E2F7: variants seen among roughly 807,000 people sequenced by gnomAD.
E2F7 encodes the protein E2F transcription factor 7.
A neutral mutation model predicts 81.1 loss-of-function variants in E2F7; 35 were observed. That is an observed-to-expected ratio of 0.43 (90% CI 0.33 to 0.57). The LOEUF (loss-of-function observed/expected upper bound fraction) is 0.57, where lower values mean the gene tolerates loss of function less well. E2F7 is among the 20% of genes least tolerant of loss of function. E2F7 has a pLI of 0.04. For missense variants in E2F7, 961 were observed against 1,093.7 expected (o/e 0.88, Z 1.71); for synonymous variants, 416 against 416.2 (o/e 1.00, Z 0.01).
intron 10 of E2F7, among the ~76,000 whole-genome samples, chr12:77,028,530 C>T (rs11831869): frequency 0.021 from 3,252 of 151,382 alleles, 89 homozygotes; most frequent in African/African-American, 0.075. Flanking sequence ...TGCAGTGGCG[C>T]GATCTCGGCT....
intron 4 of E2F7, among the ~76,000 whole-genome samples, chr12:77,049,958 TA>T (rs1954972992): frequency 6.6e-6 from 1 of 152,168 alleles, no homozygotes; most frequent in Admixed American, 6.5e-5. Context: ...CAATGTCCAC[TA>T]GGGGTCTCTA....
At chr12:77,024,251 C>T in intron 12 of E2F7, 66 bp from the exon 13 acceptor site, 8 of 1,514,148 alleles carry the variant, frequency 5.3e-6, no homozygotes, top group Non-Finnish European at 7.1e-6. Flanking sequence ...AGTAGAAAGG[C>T]AGCCCTTTCT....
At chr12:77,035,874 A>G (rs1565899662) in intron 7 of E2F7, among the ~76,000 whole-genome samples, 2 of 148,626 alleles carry the variant, frequency 1.3e-5, no homozygotes, top group Non-Finnish European at 1.5e-5. Context: ...TCAAAAATAT[A>G]AAGGCTCAAA....
intron 2 of E2F7, among the ~76,000 whole-genome samples, chr12:77,061,953 T>C (rs1406345293): frequency 6.6e-6 from 1 of 152,228 alleles, no homozygotes; most frequent in African/African-American, 2.4e-5. Flanking sequence ...TGTGAAGCTT[T>C]TTAACTCCCT....
At chr12:77,064,221 C>G (rs879302657) in intron 2 of E2F7, among the ~76,000 whole-genome samples, 1 of 152,182 alleles carries the variant, frequency 6.6e-6, no homozygotes, top group Admixed American at 6.5e-5. Flanking sequence ...TGAGGCTTAG[C>G]ATTCCTACAG....
chr12:77,065,269 G>C (rs1229269434), intron 1 of E2F7, 76 bp downstream of exon 1: 1 of 152,348 alleles, frequency 6.6e-6, no homozygotes, highest in Non-Finnish European at 1.5e-5. Flanking sequence ...AGGAGTGGCA[G>C]GCTGGCAGCC....
intron 3 of E2F7, among the ~76,000 whole-genome samples, chr12:77,052,050 C>T (rs778440443): frequency 3.3e-5 from 5 of 151,968 alleles, no homozygotes; most frequent in Non-Finnish European, 5.9e-5. Flanking sequence ...ACATCATTTA[C>T]GAAAGCAACA....
At chr12:77,031,988 G>C (rs1954811735) in intron 9 of E2F7, among the ~76,000 whole-genome samples, 1 of 152,128 alleles carries the variant, frequency 6.6e-6, no homozygotes, top group South Asian at 2.1e-4. Context: ...ACTATCACCT[G>C]ACATGCAGAC....
At chr12:77,026,060 C>A in intron 11 of E2F7, 78 bp from the exon 12 acceptor site, 1 of 1,447,584 alleles carries the variant, frequency 6.9e-7, no homozygotes, top group East Asian at 2.4e-5. Context: ...TTGTCATGGC[C>A]CTTTCAAACG....
At position 77,025,971 on chromosome 12, in the gene E2F7, A is replaced by G; in HGVS notation, c.2152T>C (p.Phe718Leu). The G allele has an allele frequency of 6.2e-7, 1 of 1,609,286 alleles. No homozygotes were observed. The highest frequency in any genetic ancestry group is 1.1e-5 in the South Asian group (1 of 90,492). Residue 718 changes from phenylalanine (F) to leucine (L), a missense_variant, in exon 12 of 13, where the codon TTC (phenylalanine) becomes CTC (leucine). Around this residue, in one of 3 missense-constraint regions of E2F7, gnomAD observed 587 missense variants for 620.3 expected, o/e 0.95. Transcript: ENST00000322886. The stretch of plus-strand genomic sequence containing the variant: ...TGACTGCCAGATAAAAGTACATTGA[A>G]ACCATTTAATCCTGAAAGAAAAGCA... ...CVQSPAGLNG[F>L]NVLLSGSQTP...
chr12:77,055,766 G>A lies in E2F7; in HGVS notation c.369+89C>T. On this transcript the variant is annotated intron_variant, in intron 3 of 12. Coordinates refer to ENST00000322886, the MANE Select transcript of E2F7 (RefSeq NM_203394.3). Reference sequence around the variant, plus strand: ...TGCCACTGCTTTTGGCTCAATAGGAGCTGAAAAGTTGACAGTTCTATGATT... The same window carrying A: ...TGCCACTGCTTTTGGCTCAATAGGAACTGAAAAGTTGACAGTTCTATGATT... 2.1e-6 allele frequency: 3 copies of A among 1,458,570 alleles called. No homozygotes were observed. In the South Asian group the frequency reaches 4.5e-5, roughly 22 times the overall value. The allele number at this position is 1,458,570 out of a possible 1,614,324, so 90.4% of individuals were successfully genotyped here. A position where few individuals can be genotyped will look rare whatever the true frequency, so the allele number is the denominator to read the frequency against.
Position 77,023,960 on chromosome 12 carries a change from G to A in E2F7, c.*55C>T. ...ACGGGATGGTTTGCATCCCGCCTCG[G>A]ACATCCGGGACTCTCAGGGCGTTTG... is the stretch of plus-strand genomic sequence containing the variant. On this transcript the variant is annotated 3_prime_UTR_variant, in exon 13 of 13. Coordinates refer to ENST00000322886, the MANE Select transcript of E2F7 (RefSeq NM_203394.3). 1 of 1,582,882 alleles carries A rather than the reference G, an allele frequency of 6.3e-7. No homozygotes were observed. Among genetic ancestry groups the A allele is most frequent in the African/African-American group, 1.4e-5 (1 of 73,794 alleles).
intron 10 of E2F7, among the ~76,000 whole-genome samples, chr12:77,029,057 A>G (rs1421914868): frequency 6.6e-6 from 1 of 152,224 alleles, no homozygotes; most frequent in Non-Finnish European, 1.5e-5. Flanking sequence ...TTCGGGTCTT[A>G]TAAGAACTGT....
rs1287089743 is a variant in E2F7 at position 77,056,040 on chromosome 12, G to A, written c.184C>T (p.Pro62Ser). The change falls in exon 3 of 13, where the codon CCA becomes TCA. Residue 62 changes from proline to serine, a missense_variant. Physicochemically the swap from Pro to Ser is moderately conservative, Grantham distance 74 (BLOSUM62 -1). Coordinates refer to ENST00000322886, the MANE Select transcript of E2F7 (RefSeq NM_203394.3). ...IDLSKQKKFT[P>S]ERNPITPVKF... ...ACTGGAGTAATGGGATTTCTTTCTG[G>A]AGTAAATTTTTTTTGCTTCGATAAA... 6.2e-7 allele frequency: 1 copy of A among 1,614,060 alleles called. No individual in the cohort carries two copies. Among genetic ancestry groups the A allele is most frequent in the Non-Finnish European group, 8.5e-7 (1 of 1,179,986 alleles).
At chr12:77,063,809 G>C (rs746119521) in intron 2 of E2F7, among the ~76,000 whole-genome samples, 1 of 152,180 alleles carries the variant, frequency 6.6e-6, no homozygotes, top group Non-Finnish European at 1.5e-5. Flanking sequence ...CCAGGAGCTC[G>C]GAGAAGTTCA....
At chr12:77,054,470 C>T (rs1314358765) in intron 3 of E2F7, among the ~76,000 whole-genome samples, 1 of 151,910 alleles carries the variant, frequency 6.6e-6, no homozygotes, top group Admixed American at 6.6e-5. Context: ...ATGTATAACA[C>T]CTGTATACCA....
chr12:77,059,737 T>C (rs1300300512), intron 2 of E2F7, among the ~76,000 whole-genome samples: 2 of 152,090 alleles, frequency 1.3e-5, no homozygotes, highest in Non-Finnish European at 2.9e-5. Flanking sequence ...GGCAGGCGGA[T>C]CACGAGGTCA....
At chr12:77,040,969 G>A (rs1256719424) in intron 7 of E2F7, among the ~76,000 whole-genome samples, 1 of 152,220 alleles carries the variant, frequency 6.6e-6, no homozygotes, top group Non-Finnish European at 1.5e-5. Flanking sequence ...GTGAAGGAGA[G>A]TGGCTCAAGG....
Position 77,025,620 on chromosome 12 carries a change from C to T in E2F7, c.2503G>A (p.Val835Ile), listed in dbSNP as rs138731336. The change falls in exon 12 of 13, where the codon GTC becomes ATC. Residue 835 changes from valine to isoleucine, a missense_variant. Val to Ile is a conservative substitution (Grantham distance 29, BLOSUM62 3). This residue lies in a region of E2F7 where 587 missense variants were observed against 620.3 expected (regional missense o/e 0.95). Coordinates refer to ENST00000322886, the MANE Select transcript of E2F7 (RefSeq NM_203394.3). ...TAAACGGGGGACTCAGGTTGTTGGA[C>T]GACACTGTGTGACCTTGACATCACT... The part of the protein sequence containing the change: ...SPVMSRSHSV[V>I]QQPESPVYVG... 8 of 1,614,138 alleles carry T rather than the reference C, an allele frequency of 5.0e-6. No individual in the cohort carries two copies. Among genetic ancestry groups the T allele is most frequent in the East Asian group, 4.5e-5 (2 of 44,878 alleles).
Sources: allele counts gnomAD v4.1 joint callset (sites outside exome capture counted in the v4.1 genomes callset), GRCh38; gene constraint gnomAD v4.1.1; regional missense constraint gnomAD v4.1.1; transcripts MANE v1.5; gene names NCBI Gene and HGNC (gene_info 2026-07-23, HGNC 2026-07-21).